Variants in CFAP221 observed in about 807,000 individuals in gnomAD.
CFAP221 encodes the protein cilia- and flagella-associated protein 221.
Under a neutral mutation model 113.1 loss-of-function variants are expected in CFAP221, and 97 were observed. That is an observed-to-expected ratio of 0.86 (90% CI 0.73 to 1.02). CFAP221 has a LOEUF of 1.02. Ranked by LOEUF, CFAP221 falls within the 50% of genes least tolerant of loss-of-function variation. CFAP221 has a pLI of 0.00. For missense variants in CFAP221, 1,025 were observed against 1,013.4 expected (o/e 1.01, Z -0.16); for synonymous variants, 331 against 354.4 (o/e 0.93, Z 0.74).
At chr2:119,614,963 T>A (rs1448962028) in intron 13 of CFAP221, among the ~76,000 whole-genome samples, 1 of 152,244 alleles carries the variant, frequency 6.6e-6, no homozygotes, top group East Asian at 1.9e-4. Flanking sequence ...CCCCGATGAC[T>A]AATCCAACAG....
chr2:119,649,739 T>C (rs1273807135), intron 22 of CFAP221, among the ~76,000 whole-genome samples: 2 of 152,148 alleles, frequency 1.3e-5, no homozygotes, highest in Non-Finnish European at 2.9e-5. Flanking sequence ...TACAGAACTT[T>C]CTGTTCTGAG....
intron 19 of CFAP221, among the ~76,000 whole-genome samples, chr2:119,635,070 C>T (rs1687031067): frequency 6.6e-6 from 1 of 152,176 alleles, no homozygotes; most frequent in African/African-American, 2.4e-5. Flanking sequence ...TGAACACATA[C>T]TTCACCAAAG....
At chr2:119,613,055 T>C (rs1297810905) in intron 13 of CFAP221, among the ~76,000 whole-genome samples, 1 of 152,204 alleles carries the variant, frequency 6.6e-6, no homozygotes, top group African/African-American at 2.4e-5. Flanking sequence ...AGAAATTCAA[T>C]AGGGCAGTCA....
At chr2:119,630,040 G>T (rs767621578) in intron 17 of CFAP221, 85 bp downstream of exon 17, 2 of 1,262,652 alleles carry the variant, frequency 1.6e-6, no homozygotes, top group Non-Finnish European at 2.2e-6. Flanking sequence ...GTGTTTTATA[G>T]TTTTGCTTTA....
intron 6 of CFAP221, among the ~76,000 whole-genome samples, chr2:119,576,467 T>C (rs1388722109): frequency 6.6e-6 from 1 of 152,216 alleles, no homozygotes; most frequent in African/African-American, 2.4e-5. Context: ...TGGTTTTCTG[T>C]TTCTGCATTA....
At position 119,652,135 on chromosome 2, in the gene CFAP221, C is replaced by A. The variant is rs1574243040; in HGVS notation, c.2414+66C>A. On this transcript the variant is annotated intron_variant, in intron 23 of 23. Coordinates refer to ENST00000413369, the MANE Select transcript of CFAP221 (RefSeq NM_001271049.2). ...GATGAAATTTGTTCTGCATAAAGTACAAAAGTGTCATGTTGTCTGAGTCTA... is the reference window on the plus strand; with the variant it reads ...GATGAAATTTGTTCTGCATAAAGTAAAAAAGTGTCATGTTGTCTGAGTCTA... 2.0e-5 allele frequency: 26 copies of A among 1,276,300 alleles called. 1 individual carries two copies. In the South Asian group the frequency reaches 3.2e-4, roughly 16 times the overall value. The allele number at this position is 1,276,300 out of a possible 1,614,324, so 79.1% of individuals were successfully genotyped here.
intron 23 of CFAP221, among the ~76,000 whole-genome samples, chr2:119,653,103 G>A (rs902137471): frequency 1.3e-5 from 2 of 151,328 alleles, no homozygotes; most frequent in Admixed American, 6.6e-5. Flanking sequence ...TATAAATACC[G>A]GGCGTGGTGG....
At chr2:119,575,385 C>T (rs1034248660) in intron 6 of CFAP221, among the ~76,000 whole-genome samples, 4 of 152,170 alleles carry the variant, frequency 2.6e-5, no homozygotes, top group Non-Finnish European at 5.9e-5. Flanking sequence ...CTCACCCCAC[C>T]TTCCTCCATG....
At chr2:119,563,650 A>T (rs1213256504) in intron 6 of CFAP221, among the ~76,000 whole-genome samples, 1 of 152,064 alleles carries the variant, frequency 6.6e-6, no homozygotes, top group African/African-American at 2.4e-5. Flanking sequence ...TACAGTATTC[A>T]CTCTGATTGA....
intron 6 of CFAP221, among the ~76,000 whole-genome samples, chr2:119,579,461 C>A (rs1215469827): frequency 6.6e-6 from 1 of 152,034 alleles, no homozygotes; most frequent in African/African-American, 2.4e-5. Flanking sequence ...GCCAAAATTC[C>A]TTTTGACTCA....
intron 2 of CFAP221, among the ~76,000 whole-genome samples, chr2:119,548,707 G>T (rs1680214093): frequency 6.6e-6 from 1 of 152,158 alleles, no homozygotes; most frequent in Admixed American, 6.5e-5. Context: ...TTTGATCTGG[G>T]TATTCATTAT....
intron 15 of CFAP221, among the ~76,000 whole-genome samples, chr2:119,626,641 C>T (rs1353799600): frequency 6.6e-6 from 1 of 152,154 alleles, no homozygotes; most frequent in Non-Finnish European, 1.5e-5. Context: ...AGGAAATTTC[C>T]ATGCTGGCCA....
chr2:119,573,221 G>A (rs1682192221), intron 6 of CFAP221: 1 of 152,224 alleles, frequency 6.6e-6, no homozygotes, highest in African/African-American at 2.4e-5. Context: ...AGAACCAGCT[G>A]TAACTGGGTT....
chr2:119,556,094 G>A (rs144982125), intron 3 of CFAP221: 15 of 152,304 alleles, frequency 9.8e-5, no homozygotes, highest in Non-Finnish European at 2.1e-4. Flanking sequence ...ACATTATTTG[G>A]TTGAAATATC....
rs1684625944 is a variant in CFAP221, at chr2:119,604,893, C to T, written c.930C>T (p.Asn310=). The change falls in exon 10 of 24, where the codon AAC becomes AAT. Residue 310 remains asparagine (N), a synonymous_variant. Coordinates refer to ENST00000413369, the MANE Select transcript of CFAP221 (RefSeq NM_001271049.2). ...TCTCTTAGGAAATTGAGTACCAGAA[C>T]CTCAGATTTCCAGTAGATTTATCGA... ...PQKVKEIEYQ[N]LRFPVDLSNP... 9.3e-6 allele frequency: 15 copies of T among 1,614,056 alleles called. No individual in the cohort carries two copies. Among genetic ancestry groups the T allele is most frequent in the East Asian group, 2.2e-5 (1 of 44,882 alleles).
chr2:119,630,841 G>T lies in CFAP221; in HGVS notation c.1914G>T (p.Leu638Phe), dbSNP rs760467947. 1 of 1,613,796 alleles carries T rather than the reference G, an allele frequency of 6.2e-7. No homozygotes were observed. Among genetic ancestry groups the T allele is most frequent in the Admixed American group, 1.7e-5 (1 of 60,016 alleles). The change falls in exon 19 of 24, where the codon TTG (leucine) becomes TTT (phenylalanine). Residue 638 changes from leucine to phenylalanine, a missense_variant. Leu to Phe is a conservative substitution (Grantham distance 22). Transcript: ENST00000413369. ...AGCTCTCTGGCAAAACATCAGTCTT[G>T]AGCATGAAACCACCTGAGGCCTTAG... The part of the protein sequence containing the change: ...TTQLSGKTSV[L>F]SMKPPEALAM...
intron 1 of CFAP221, among the ~76,000 whole-genome samples, chr2:119,545,583 C>T (rs1191424532): frequency 6.6e-6 from 1 of 152,172 alleles, no homozygotes; most frequent in African/African-American, 2.4e-5. Context: ...ACCCTGTTAG[C>T]AGAGGGATGG....
chr2:119,639,097 G>A (rs1048507511), intron 20 of CFAP221, among the ~76,000 whole-genome samples: 1 of 152,020 alleles, frequency 6.6e-6, no homozygotes. Flanking sequence ...GGCGGGCACC[G>A]GTGTGCCACT....
intron 7 of CFAP221, among the ~76,000 whole-genome samples, chr2:119,600,288 T>C (rs945423898): frequency 6.6e-6 from 1 of 152,250 alleles, no homozygotes; most frequent in Non-Finnish European, 1.5e-5. Context: ...GTGTGATATT[T>C]GACTCTGGGG....
Sources: gnomAD v4.1 joint callset for allele counts (sites outside exome capture counted in the v4.1 genomes callset) on GRCh38, gnomAD v4.1.1 for gene constraint, MANE v1.5 for transcripts, NCBI Gene and HGNC (gene_info 2026-07-23, HGNC 2026-07-21) for gene names.